The following RTN1 variants were observed in gnomAD, a reference collection of about 807,000 sequenced individuals.
The protein encoded by RTN1 is reticulon-1.
In RTN1, 25 loss-of-function variants were observed where a neutral mutation model predicts 65.5. That is an observed-to-expected ratio of 0.38 (90% CI 0.28 to 0.53). RTN1 has a LOEUF of 0.53. Among genes scored for constraint, RTN1 ranks in the 20% least tolerant of loss-of-function variants. The pLI is 0.79. For missense variants in RTN1, 983 were observed against 1,025.4 expected, an observed-to-expected ratio of 0.96 and a Z score of 0.57; for synonymous variants, 471 against 447.6, an observed-to-expected ratio of 1.05 and a Z score of -0.66.
In RTN1 at chr14:59,766,508, A is replaced by T. The variant is rs113201479; in HGVS notation, c.242-20027T>A. Among the ~76,000 whole-genome samples the T allele has an allele frequency of 5.3e-3, 810 of 152,268 alleles. 8 individuals carry two copies. Among genetic ancestry groups the T allele is most frequent in the African/African-American group, 0.017 (689 of 41,552 alleles). On this transcript the variant is annotated intron_variant, in intron 1 of 8. Coordinates refer to ENST00000267484, the MANE Select transcript of RTN1 (RefSeq NM_021136.3). This position sits in a 1 kb window ranked among gnomAD's most constrained non-coding sequence, Gnocchi z 4.4. ...AGCTGCTCTTATATCTGGGGAAGAAACTAGGGGTTCAAATAGAGCTATCCA... is the reference window on the plus strand; with the variant it reads ...AGCTGCTCTTATATCTGGGGAAGAATCTAGGGGTTCAAATAGAGCTATCCA...
intron 1 of RTN1, among the ~76,000 whole-genome samples, chr14:59,784,425 G>A (rs1886215211): frequency 6.8e-6 from 1 of 147,900 alleles, no homozygotes; most frequent in Admixed American, 6.7e-5. Context: ...GGGGCAACAA[G>A]AGCGAAACTC....
intron 3 of RTN1, among the ~76,000 whole-genome samples, chr14:59,608,187 G>A (rs906795345): frequency 6.6e-6 from 1 of 152,114 alleles, no homozygotes; most frequent in Admixed American, 6.5e-5. Flanking sequence ...CTTACTGAAG[G>A]ATCTATGCAA....
chr14:59,754,776 T>G (rs1885602236), intron 1 of RTN1, among the ~76,000 whole-genome samples: 1 of 152,130 alleles, frequency 6.6e-6, no homozygotes, highest in East Asian at 1.9e-4. Flanking sequence ...TCTAATGACA[T>G]CCTCTCATGG....
intron 1 of RTN1, among the ~76,000 whole-genome samples, chr14:59,785,109 A>G (rs1886228682): frequency 6.6e-6 from 1 of 152,188 alleles, no homozygotes; most frequent in African/African-American, 2.4e-5. Flanking sequence ...AGTTGCTTCA[A>G]ATGGAGAGAG....
chr14:59,660,882 G>A (rs995317982), intron 3 of RTN1, among the ~76,000 whole-genome samples: 1 of 151,762 alleles, frequency 6.6e-6, no homozygotes, highest in African/African-American at 2.4e-5. Flanking sequence ...AAATAACTAA[G>A]ATCAGAGCAC....
At chr14:59,706,972 T>C (rs1194874480) in intron 3 of RTN1, among the ~76,000 whole-genome samples, 8 of 152,204 alleles carry the variant, frequency 5.3e-5, no homozygotes, top group Non-Finnish European at 1.0e-4. Flanking sequence ...TAAAAGCAAC[T>C]CCTGGAGAAA....
At chr14:59,796,629 T>C (rs2139595387) in intron 1 of RTN1, among the ~76,000 whole-genome samples, 1 of 152,304 alleles carries the variant, frequency 6.6e-6, no homozygotes, top group South Asian at 2.1e-4. Context: ...TAGCTTTACA[T>C]AAACTCCTAC....
intron 1 of RTN1, among the ~76,000 whole-genome samples, chr14:59,826,528 C>T (rs773655771): frequency 3.3e-5 from 5 of 152,102 alleles, no homozygotes; most frequent in African/African-American, 2.4e-5. Context: ...ATTGGAAGCC[C>T]CAGAATTCCT....
rs146184061 is a variant in RTN1, at chr14:59,607,408, T to A, written c.1850A>T (p.Gln617Leu). The A allele has an allele frequency of 3.8e-4, 621 of 1,613,908 alleles. No homozygotes were observed. Among genetic ancestry groups the A allele is most frequent in the Non-Finnish European group, 4.6e-4 (543 of 1,179,948 alleles). ...SFLLLLFSLTQFSVVSVVAYL... is the reference protein window; with the variant it reads ...SFLLLLFSLTLFSVVSVVAYL... ...GGCCACGACGCTCACCACGCTGAAC[T>A]GGGTCAGGGAGAAGAGCAGCAGCAG... The change falls in exon 4 of 9, where the codon CAG becomes CTG. Residue 617 changes from glutamine to leucine, a missense_variant. Physicochemically the swap from Gln to Leu is moderately radical, Grantham distance 113. This residue lies in a region of RTN1 where 165 missense variants were observed against 223.6 expected (regional missense o/e 0.74). Coordinates refer to ENST00000267484, the MANE Select transcript of RTN1 (RefSeq NM_021136.3).
At chr14:59,760,688 CTTCACGTTTTGT>C (rs1885730303) in intron 1 of RTN1, among the ~76,000 whole-genome samples, 1 of 152,198 alleles carries the variant, frequency 6.6e-6, no homozygotes, top group Non-Finnish European at 1.5e-5. Flanking sequence ...TCATCCTCTT[CTTCACGTTTTGT>C]TTTCCCTGCA....
intron 3 of RTN1, among the ~76,000 whole-genome samples, chr14:59,712,798 C>T (rs1594693825): frequency 1.3e-5 from 2 of 151,658 alleles, no homozygotes; most frequent in Middle Eastern, 6.8e-3. Flanking sequence ...GTAATCCCAG[C>T]TACTTGGGAG....
chr14:59,750,365 ATT>A lies in RTN1; in HGVS notation c.242-3886_242-3885del, dbSNP rs1885462674. Reference sequence around the variant, plus strand: ...TCTATAATATATATTATATCTATATATTATATCTATATATTATATATTATATC... The same window carrying A: ...TCTATAATATATATTATATCTATATAATATCTATATATTATATATTATATC... On this transcript the variant is annotated intron_variant, in intron 1 of 8. Transcript: ENST00000267484. Among the ~76,000 whole-genome samples, 3 of 32,218 alleles carry A rather than the reference ATT, an allele frequency of 9.3e-5. 1 individual carries two copies. Among genetic ancestry groups the A allele is most frequent in the South Asian group, 1.7e-3 (2 of 1,152 alleles). 21.1% of individuals were successfully genotyped at this position (32,218 alleles called of 152,430 possible).
intron 3 of RTN1, chr14:59,647,056 G>C (rs1489011272): frequency 6.5e-6 from 1 of 152,972 alleles, no homozygotes; most frequent in Non-Finnish European, 1.5e-5. Context: ...GTCTTCAAGA[G>C]ACCCATCTCA....
At chr14:59,662,806 A>G (rs1486384336) in intron 3 of RTN1, among the ~76,000 whole-genome samples, 1 of 152,238 alleles carries the variant, frequency 6.6e-6, no homozygotes, top group African/African-American at 2.4e-5. Context: ...GCTCATGGAT[A>G]GGAAGAATCA....
intron 1 of RTN1, among the ~76,000 whole-genome samples, chr14:59,782,379 T>C (rs1167158275): frequency 6.6e-6 from 1 of 152,226 alleles, no homozygotes; most frequent in Admixed American, 6.5e-5. Flanking sequence ...GAAAATAGAT[T>C]CACTTTTTAA....
At chr14:59,635,263 T>A (rs1882639060) in intron 3 of RTN1, among the ~76,000 whole-genome samples, 1 of 152,130 alleles carries the variant, frequency 6.6e-6, no homozygotes, top group South Asian at 2.1e-4. Context: ...ATCTTCAAAG[T>A]AGCAAACGAA....
At chr14:59,671,460 A>G (rs1262739583) in intron 3 of RTN1, among the ~76,000 whole-genome samples, 8 of 152,230 alleles carry the variant, frequency 5.3e-5, no homozygotes. Context: ...AGTGATACCA[A>G]CAATCGCACA....
chr14:59,796,247 G>C (rs893565352), intron 1 of RTN1, among the ~76,000 whole-genome samples: 1 of 152,250 alleles, frequency 6.6e-6, no homozygotes, highest in African/African-American at 2.4e-5. Flanking sequence ...AATAGGCTAT[G>C]TCATATAGCC....
chr14:59,820,047 G>A (rs1427010388), intron 1 of RTN1, among the ~76,000 whole-genome samples: 1 of 152,250 alleles, frequency 6.6e-6, no homozygotes, highest in Non-Finnish European at 1.5e-5. Context: ...GGACGCCAAG[G>A]CCGAGGAGGC....
Sources: gnomAD v4.1 joint callset for allele counts (sites outside exome capture counted in the v4.1 genomes callset) on GRCh38, gnomAD v4.1.1 for gene constraint, gnomAD v4.1.1 regional missense constraint, Gnocchi (gnomAD v3.1) non-coding constraint, MANE v1.5 for transcripts, NCBI Gene and HGNC (gene_info 2026-07-23, HGNC 2026-07-21) for gene names.